The following GATAD2A variants were observed in gnomAD, a reference collection of about 807,000 sequenced individuals.
GATAD2A encodes the protein transcriptional repressor p66-alpha.
GATAD2A carries 12 observed loss-of-function variants against 68.5 expected under a neutral mutation model. That is an observed-to-expected ratio of 0.18 (90% CI 0.11 to 0.28). GATAD2A has a LOEUF of 0.28. Ranked by LOEUF, GATAD2A falls within the 10% of genes least tolerant of loss-of-function variation. The pLI, the probability that GATAD2A is intolerant of heterozygous loss-of-function variation, is 1.00. For synonymous variants in GATAD2A, 410 were observed against 375.3 expected, an observed-to-expected ratio of 1.09 and a Z score of -1.07; for missense variants, 755 against 868.5, an observed-to-expected ratio of 0.87 and a Z score of 1.64.
intron 11 of GATAD2A, among the ~76,000 whole-genome samples, chr19:19,502,861 G>A (rs2060631015): frequency 6.6e-6 from 1 of 152,202 alleles, no homozygotes; most frequent in Admixed American, 6.5e-5. Context: ...CCCACTCAGG[G>A]TCCCCCTTTT....
intron 2 of GATAD2A, among the ~76,000 whole-genome samples, chr19:19,470,936 C>T (rs1240988895): frequency 1.3e-5 from 2 of 152,182 alleles, no homozygotes; most frequent in East Asian, 3.8e-4. Context: ...GGTACACCTG[C>T]AGCAGCATGA....
intron 1 of GATAD2A, among the ~76,000 whole-genome samples, chr19:19,398,612 C>T (rs1474235388): frequency 6.7e-6 from 1 of 150,278 alleles, no homozygotes; most frequent in Non-Finnish European, 1.5e-5. Context: ...GGATTACAGG[C>T]ATGAGACACT....
At chr19:19,490,160 G>T (rs180709827) in intron 2 of GATAD2A, among the ~76,000 whole-genome samples, 1 of 152,120 alleles carries the variant, frequency 6.6e-6, no homozygotes, top group Non-Finnish European at 1.5e-5. Context: ...TTCTGTCCAC[G>T]CCCAGGTCTC....
exon 1 of GATAD2A, chr19:19,386,061 CG>C (rs1001315737): frequency 6.6e-6 from 1 of 152,026 alleles, no homozygotes; most frequent in Non-Finnish European, 1.5e-5. Context: ...GTCGCCTCCG[CG>C]GGACGCCACA....
At chr19:19,436,937 A>T (rs2054428909) in intron 1 of GATAD2A, among the ~76,000 whole-genome samples, 1 of 152,150 alleles carries the variant, frequency 6.6e-6, no homozygotes, top group African/African-American at 2.4e-5. Context: ...ATCGAACAGG[A>T]TCTTGCCGGT....
At chr19:19,432,199 T>C (rs938966478) in intron 1 of GATAD2A, among the ~76,000 whole-genome samples, 1 of 152,162 alleles carries the variant, frequency 6.6e-6, no homozygotes, top group Non-Finnish European at 1.5e-5. Context: ...GGTCTTGAGC[T>C]CCTGATCTCA....
At chr19:19,402,763 T>TG (rs1568697722), upstream of GATAD2A, among the ~76,000 whole-genome samples, 4 of 147,252 alleles carry the variant, frequency 2.7e-5, no homozygotes, top group African/African-American at 7.5e-5. Flanking sequence ...TTTTTTTTGT[T>TG]TTTGTTTTTT....
upstream of GATAD2A, among the ~76,000 whole-genome samples, chr19:19,401,622 C>T (rs1599997590): frequency 6.6e-6 from 1 of 152,046 alleles, no homozygotes; most frequent in South Asian, 2.1e-4. Context: ...GCTTCTTGGG[C>T]TCCAAAATCC....
chr19:19,388,080 G>A (rs2048579526), intron 1 of GATAD2A, among the ~76,000 whole-genome samples: 1 of 147,902 alleles, frequency 6.8e-6, no homozygotes. Context: ...TTTGGAGATG[G>A]AGTTTCGCTC....
intron 1 of GATAD2A, among the ~76,000 whole-genome samples, chr19:19,419,245 A>G (rs2052034373): frequency 6.6e-6 from 1 of 152,204 alleles, no homozygotes; most frequent in Non-Finnish European, 1.5e-5. Context: ...GTGTGTCACA[A>G]TGAAAATGAA....
At chr19:19,444,991 C>A (rs1418484821) in intron 1 of GATAD2A, among the ~76,000 whole-genome samples, 1 of 151,810 alleles carries the variant, frequency 6.6e-6, no homozygotes, top group African/African-American at 2.4e-5. Context: ...TCTTGTGATT[C>A]CAGCCCTCTG....
intron 1 of GATAD2A, chr19:19,441,632 G>C (rs2055094493): frequency 5.7e-6 from 1 of 174,650 alleles, no homozygotes; most frequent in Non-Finnish European, 1.3e-5. Flanking sequence ...CGTGATTTCG[G>C]CTCCTTGCAA....
At chr19:19,407,147 T>C (rs539821514) in intron 1 of GATAD2A, among the ~76,000 whole-genome samples, 5 of 152,374 alleles carry the variant, frequency 3.3e-5, no homozygotes, top group African/African-American at 9.6e-5. Context: ...GCACAGAAAC[T>C]GAGAGCCCTC....
intron 2 of GATAD2A, among the ~76,000 whole-genome samples, chr19:19,490,992 C>CT (rs1405708646): frequency 6.6e-6 from 1 of 152,212 alleles, no homozygotes; most frequent in South Asian, 2.1e-4. Context: ...ATCTTTGGGA[C>CT]TTGCGTTGGG....
chr19:19,498,342 C>T, intron 7 of GATAD2A, 101 bp from the exon 8 acceptor site: 1 of 1,044,594 alleles, frequency 9.6e-7, no homozygotes, highest in South Asian at 1.6e-5. Flanking sequence ...GTCAAGGGTA[C>T]TGGTTAGTGC....
chr19:19,412,530 G>A (rs1347456340), intron 1 of GATAD2A, among the ~76,000 whole-genome samples: 2 of 151,974 alleles, frequency 1.3e-5, no homozygotes, highest in African/African-American at 4.8e-5. Context: ...TACTTGCGAG[G>A]CTGAGATGGG....
chr19:19,452,171 C>T (rs2147834940), intron 1 of GATAD2A, among the ~76,000 whole-genome samples: 1 of 152,328 alleles, frequency 6.6e-6, no homozygotes, highest in African/African-American at 2.4e-5. Context: ...TGCTGTCCCA[C>T]TGTTTCCTTT....
intron 1 of GATAD2A, among the ~76,000 whole-genome samples, chr19:19,414,137 A>G (rs1345716736): frequency 2.0e-5 from 3 of 152,200 alleles, no homozygotes; most frequent in Non-Finnish European, 4.4e-5. Flanking sequence ...GGGCAAGTAT[A>G]TTAACATATA....
At chr19:19,436,312 C>T (rs900125487) in intron 1 of GATAD2A, 7 of 599,710 alleles carry the variant, frequency 1.2e-5, no homozygotes, top group Admixed American at 8.5e-5. Context: ...GTGAGTGCTG[C>T]TTCAGCCACC....
Sources: allele counts gnomAD v4.1 joint callset (sites outside exome capture counted in the v4.1 genomes callset), GRCh38; gene constraint gnomAD v4.1.1; transcripts MANE v1.5; gene names NCBI Gene and HGNC (gene_info 2026-07-23, HGNC 2026-07-21).